Variants in LPL observed in about 807,000 individuals in gnomAD.
LPL encodes phospholipase A1.
LPL carries 43 observed loss-of-function variants against 52.2 expected under a neutral mutation model. That is an observed-to-expected ratio of 0.82 (90% CI 0.64 to 1.06). LPL has a LOEUF of 1.06. LPL is among the 50% of genes least tolerant of loss of function. The pLI is 0.00. For synonymous variants in LPL, 244 were observed against 215.6 expected (o/e 1.13, Z -1.15); for missense variants, 639 against 585.3 (o/e 1.09, Z -0.95).
chr8:19,954,306 G>T lies in LPL; in HGVS notation c.728G>T (p.Cys243Phe). The T allele has an allele frequency of 6.2e-7, 1 of 1,614,218 alleles. No individual in the cohort carries two copies. ...YPNGGTFQPG[C>F]NIGEAIRVIA... ...AATGGAGGTACTTTTCAGCCAGGAT[G>T]TAACATTGGAGAAGCTATCCGCGTG... The change falls in exon 5 of 10, where the codon TGT (cysteine) becomes TTT (phenylalanine). Residue 243 changes from cysteine to phenylalanine, a missense_variant. Transcript: ENST00000650287.
intron 9 of LPL, among the ~76,000 whole-genome samples, chr8:19,963,642 G>A (rs778004699): frequency 4.0e-5 from 6 of 151,720 alleles, no homozygotes; most frequent in Non-Finnish European, 8.8e-5. Flanking sequence ...ATATTCTTTC[G>A]GACTTTATAT....
intron 8 of LPL, among the ~76,000 whole-genome samples, chr8:19,961,533 G>A (rs1299025531): frequency 2.6e-5 from 4 of 152,002 alleles, no homozygotes; most frequent in African/African-American, 4.8e-5. Context: ...CCCATAAAAT[G>A]AATTACACAG....
chr8:19,962,086 G>T, intron 8 of LPL, 29 bp from the exon 9 acceptor site: 2 of 1,411,990 alleles, frequency 1.4e-6, no homozygotes, highest in South Asian at 2.3e-5. Flanking sequence ...TGTTCTACAT[G>T]GCATATTCAC....
intron 1 of LPL, among the ~76,000 whole-genome samples, chr8:19,943,741 G>C (rs1007083291): frequency 1.3e-5 from 2 of 152,162 alleles, no homozygotes; most frequent in African/African-American, 4.8e-5. Flanking sequence ...ATTCAGTGGG[G>C]CAATTTTAAT....
At chr8:19,957,139 G>A (rs908884826) in intron 6 of LPL, among the ~76,000 whole-genome samples, 2 of 152,180 alleles carry the variant, frequency 1.3e-5, no homozygotes, top group Non-Finnish European at 2.9e-5. Flanking sequence ...CACCTTCTAA[G>A]ATACTGCCAT....
chr8:19,953,459 G>T, intron 4 of LPL, 38 bp downstream of exon 4: 1 of 1,445,012 alleles, frequency 6.9e-7, no homozygotes, highest in South Asian at 1.1e-5. Context: ...CATAAGAGGT[G>T]AAAAGACTGT....
chr8:19,951,265 G>A (rs112433794), intron 2 of LPL, among the ~76,000 whole-genome samples: 75 of 152,274 alleles, frequency 4.9e-4, no homozygotes, highest in African/African-American at 1.8e-3. Flanking sequence ...CTGAAACAGG[G>A]AGACATTAAC....
At position 19,954,168 on chromosome 8, in the gene LPL, G is replaced by T. The variant is rs372668179; in HGVS notation, c.590G>T (p.Arg197Leu). 5 of 1,614,120 alleles carry T rather than the reference G, an allele frequency of 3.1e-6. No individual in the cohort carries two copies. Among genetic ancestry groups the T allele is most frequent in the South Asian group, 1.1e-5 (1 of 91,074 alleles). ...TTTGAGTATGCAGAAGCCCCGAGTC[G>T]TCTTTCTCCTGATGATGCAGATTTT... ...PNFEYAEAPS[R>L]LSPDDADFVD... is the part of the protein sequence containing the mutation. Residue 197 changes from arginine (R) to leucine (L), a missense_variant, in exon 5 of 10, where the codon CGT (arginine) becomes CTT (leucine). Coordinates refer to ENST00000650287, the MANE Select transcript of LPL (RefSeq NM_000237.3).
At chr8:19,961,335 G>C (rs2070037733) in intron 8 of LPL, among the ~76,000 whole-genome samples, 1 of 151,950 alleles carries the variant, frequency 6.6e-6, no homozygotes. Context: ...CAGTTATTCA[G>C]TGAGAGCTGG....
intron 1 of LPL, among the ~76,000 whole-genome samples, chr8:19,947,572 G>A (rs2069892043): frequency 6.6e-6 from 1 of 151,994 alleles, no homozygotes; most frequent in South Asian, 2.1e-4. Flanking sequence ...CGAGGGTGCA[G>A]TGAACCAAGA....
At chr8:19,947,089 C>T (rs567824469) in intron 1 of LPL, among the ~76,000 whole-genome samples, 1 of 152,290 alleles carries the variant, frequency 6.6e-6, no homozygotes, top group South Asian at 2.1e-4. Flanking sequence ...TTCTGAACAA[C>T]CTACTAAATT....
chr8:19,947,074 G>C (rs868685740), intron 1 of LPL, among the ~76,000 whole-genome samples: 1 of 152,032 alleles, frequency 6.6e-6, no homozygotes, highest in African/African-American at 2.4e-5. Context: ...ACATAGCACG[G>C]GTATTTCTGA....
chr8:19,942,806 C>A (rs532792743), intron 1 of LPL, among the ~76,000 whole-genome samples: 1 of 152,286 alleles, frequency 6.6e-6, no homozygotes. Flanking sequence ...TGTGCACTGA[C>A]ACCATTTGCG....
rs2070076749 is a variant in LPL at position 19,965,349 on chromosome 8, T to C, written c.*39T>C. 1 of 780,602 alleles carries C rather than the reference T, an allele frequency of 1.3e-6. No homozygotes were observed. The allele number at this position is 780,602 out of a possible 1,614,324, so 48.4% of individuals were successfully genotyped here. On this transcript the variant is annotated 3_prime_UTR_variant, in exon 10 of 10. Coordinates refer to ENST00000650287, the MANE Select transcript of LPL (RefSeq NM_000237.3). ...TACAGAACAAAGAACGGCATGTGAA[T>C]TCTGTGAAGAATGAAGTGGAGGAAG...
rs316 is a variant in LPL, at chr8:19,960,925, C to T, written c.1164C>T (p.Thr388=). The change falls in exon 8 of 10, where the codon ACC becomes ACT. Residue 388 remains threonine, a synonymous_variant. Coordinates refer to ENST00000650287, the MANE Select transcript of LPL (RefSeq NM_000237.3). The stretch of plus-strand genomic sequence containing the variant: ...GGCCTGAAGTTTCCACAAATAAGAC[C>T]TACTCCTTCCTAATTTACACAGAGG... ...FTLPEVSTNK[T]YSFLIYTEVD... is the part of the protein sequence containing the mutation. The T allele has an allele frequency of 6.2e-7, 1 of 1,612,260 alleles. No individual in the cohort carries two copies. Among genetic ancestry groups the T allele is most frequent in the African/African-American group, 1.3e-5 (1 of 74,744 alleles).
Position 19,951,832 on chromosome 8 carries a change from G to A in LPL, c.313G>A (p.Asp105Asn), listed in dbSNP as rs1271941649. 5.0e-6 allele frequency: 8 copies of A among 1,614,048 alleles called. No individual in the cohort carries two copies. The highest frequency in any genetic ancestry group is 1.1e-5 in the South Asian group (1 of 91,096). ...GGCCGCCCTGTACAAGAGAGAACCAGACTCCAATGTCATTGTGGTGGACTG... is the reference window on the plus strand; with the variant it reads ...GGCCGCCCTGTACAAGAGAGAACCAAACTCCAATGTCATTGTGGTGGACTG... ...LVAALYKREP[D>N]SNVIVVDWLS... The change falls in exon 3 of 10, where the codon GAC becomes AAC. Residue 105 changes from aspartate (D) to asparagine (N), a missense_variant. Transcript: ENST00000650287.
At chr8:19,961,212 GTAGATTT>G in intron 8 of LPL, 129 bp downstream of exon 8, 1 of 402,210 alleles carries the variant, frequency 2.5e-6, no homozygotes, top group Non-Finnish European at 4.0e-6. Context: ...ACTGTATGAT[GTAGATTT>G]TCTTTAGGAG....
Position 19,939,623 on chromosome 8 carries a change from C to T in LPL, c.88+95C>T. 4 of 1,286,764 alleles carry T rather than the reference C, an allele frequency of 3.1e-6. No individual in the cohort carries two copies. The South Asian group carries it at 3.9e-5, about 12-fold the overall frequency. The allele number at this position is 1,286,764 out of a possible 1,614,324, so 79.7% of individuals were successfully genotyped here. ...ATGAGAAGAAGGAAGTTGGAAGGGGCGGTGGATGCGCCCAGGGACTCTCCC... is the reference window on the plus strand; with the variant it reads ...ATGAGAAGAAGGAAGTTGGAAGGGGTGGTGGATGCGCCCAGGGACTCTCCC... On this transcript the variant is annotated intron_variant, in intron 1 of 9. Transcript: ENST00000650287. The surrounding 1 kb of genome is among the most constrained non-coding windows in gnomAD (Gnocchi z 4.0).
rs250 is a variant in LPL, at chr8:19,953,512, A to ATG, written c.541+96_541+97dup. 0.14 allele frequency: 124,225 copies of ATG among 857,856 alleles called. 11,976 individuals are homozygous for ATG. The highest frequency in any genetic ancestry group is 0.38 in the African/African-American group (22,895 of 60,240). 53.1% of individuals were successfully genotyped at this position (857,856 alleles called of 1,614,324 possible). A position where few individuals can be genotyped will look rare whatever the true frequency, so the allele number is the denominator to read the frequency against. On this transcript the variant is annotated intron_variant, in intron 4 of 9. Coordinates refer to ENST00000650287, the MANE Select transcript of LPL (RefSeq NM_000237.3). ...AGAACAAATTTTGTTAAATACCCAC[A>ATG]TGTGTGGTGTTCTTCCCGGAGACAT...
Sources: gnomAD v4.1 joint callset for allele counts (sites outside exome capture counted in the v4.1 genomes callset) on GRCh38, gnomAD v4.1.1 for gene constraint, Gnocchi (gnomAD v3.1) non-coding constraint, MANE v1.5 for transcripts, NCBI Gene and HGNC (gene_info 2026-07-23, HGNC 2026-07-21) for gene names.